ROBO2: variants seen among roughly 807,000 people sequenced by gnomAD.
ROBO2 encodes roundabout homolog 2.
A neutral mutation model predicts 160.8 loss-of-function variants in ROBO2; 53 were observed. The observed-to-expected ratio is 0.33, with a 90% CI of 0.26 to 0.41. The LOEUF is 0.41. Ranked by LOEUF, ROBO2 falls within the 10% of genes least tolerant of loss-of-function variation. The pLI is 1.00. For missense variants in ROBO2, 1,577 were observed against 1,722.4 expected (o/e 0.92, Z 1.49); for synonymous variants, 664 against 611.7 (o/e 1.09, Z -1.26).
intron 2 of ROBO2, among the ~76,000 whole-genome samples, chr3:76,507,032 T>C (rs2080835192): frequency 1.3e-5 from 2 of 152,190 alleles, no homozygotes; most frequent in South Asian, 4.1e-4. Context: ...TTAGTATCAA[T>C]TGTAACAATT....
At chr3:76,920,728 C>G (rs924519644) in intron 2 of ROBO2, among the ~76,000 whole-genome samples, 17 of 152,308 alleles carry the variant, frequency 1.1e-4, no homozygotes, top group Middle Eastern at 3.4e-3. Context: ...TGCATATGTT[C>G]AACATCAGTG....
At chr3:77,580,398 C>T (rs1346161120) in intron 16 of ROBO2, among the ~76,000 whole-genome samples, 2 of 152,072 alleles carry the variant, frequency 1.3e-5, no homozygotes, top group East Asian at 1.9e-4. Flanking sequence ...GCCTCATTAG[C>T]AATTTTGGTG....
rs371571177 is a variant in ROBO2 at position 77,159,566 on chromosome 3, G to A, written c.388+61226G>A. Among the ~76,000 whole-genome samples, 6 of 152,210 alleles carry A rather than the reference G, an allele frequency of 3.9e-5. 1 individual carries two copies. Among genetic ancestry groups the A allele is most frequent in the Admixed American group, 1.3e-4 (2 of 15,282 alleles). ...TTCTTTAGTCATCAGTGGCACTTGT[G>A]AAAGTAGTGATTTGTTTAATGTTGT... On this transcript the variant is annotated intron_variant, in intron 2 of 25. Coordinates refer to ENST00000461745, the Ensembl canonical transcript of ROBO2.
At chr3:77,108,537 A>T (rs541943133) in intron 2 of ROBO2, among the ~76,000 whole-genome samples, 14 of 152,250 alleles carry the variant, frequency 9.2e-5, no homozygotes, top group African/African-American at 3.1e-4. Context: ...AATCGTTAAG[A>T]GTAAAACGGG....
At chr3:77,088,602 C>A (rs1343092166) in intron 1 of ROBO2, among the ~76,000 whole-genome samples, 1 of 152,072 alleles carries the variant, frequency 6.6e-6, no homozygotes, top group Non-Finnish European at 1.5e-5. Context: ...TTTTAAGATA[C>A]CTATCCAATA....
intron 2 of ROBO2, among the ~76,000 whole-genome samples, chr3:76,924,748 T>C (rs1018170742): frequency 6.6e-6 from 1 of 152,204 alleles, no homozygotes; most frequent in Non-Finnish European, 1.5e-5. Context: ...ATGCCATAAA[T>C]TGGAATTCCA....
intron 2 of ROBO2, among the ~76,000 whole-genome samples, chr3:76,043,182 A>T (rs989381136): frequency 6.6e-6 from 1 of 151,720 alleles, no homozygotes; most frequent in Non-Finnish European, 1.5e-5. Context: ...CTAACAGATC[A>T]TAGTGCCATG....
At chr3:76,048,961 AG>A (rs1323301106) in intron 2 of ROBO2, among the ~76,000 whole-genome samples, 1 of 152,198 alleles carries the variant, frequency 6.6e-6, no homozygotes, top group Non-Finnish European at 1.5e-5. Flanking sequence ...TACTTGAATA[AG>A]GTTCAAAGCA....
chr3:76,265,770 AG>A (rs1214760021), intron 2 of ROBO2, among the ~76,000 whole-genome samples: 1 of 152,194 alleles, frequency 6.6e-6, no homozygotes, highest in Non-Finnish European at 1.5e-5. Context: ...CAGTGCCAAA[AG>A]AAATGCTATT....
intron 2 of ROBO2, among the ~76,000 whole-genome samples, chr3:76,382,619 G>T (rs2076692416): frequency 6.6e-6 from 1 of 152,096 alleles, no homozygotes; most frequent in Non-Finnish European, 1.5e-5. Flanking sequence ...TCTTCAGGAG[G>T]CCTAACCTAA....
intron 2 of ROBO2, among the ~76,000 whole-genome samples, chr3:76,576,728 A>G (rs1379154973): frequency 9.1e-6 from 1 of 110,006 alleles, no homozygotes; most frequent in Non-Finnish European, 1.8e-5. Flanking sequence ...TTTTTGACAG[A>G]GATTGCACCA....
chr3:75,985,433 G>C (rs2107475026), intron 2 of ROBO2, among the ~76,000 whole-genome samples: 1 of 151,722 alleles, frequency 6.6e-6, no homozygotes, highest in South Asian at 2.1e-4. Context: ...GTAAGACAGT[G>C]TTAAATATTT....
intron 2 of ROBO2, among the ~76,000 whole-genome samples, chr3:76,618,751 G>A (rs930964416): frequency 5.9e-5 from 9 of 151,476 alleles, no homozygotes; most frequent in Non-Finnish European, 1.2e-4. Flanking sequence ...CACAATTGAC[G>A]GATCCTGATA....
At chr3:76,696,501 T>A (rs2092931674) in intron 2 of ROBO2, among the ~76,000 whole-genome samples, 1 of 152,126 alleles carries the variant, frequency 6.6e-6, no homozygotes, top group South Asian at 2.1e-4. Context: ...ATCCCGATCA[T>A]TTAATGAACC....
chr3:76,377,183 A>G (rs1279105619), intron 2 of ROBO2, among the ~76,000 whole-genome samples: 5 of 152,156 alleles, frequency 3.3e-5, no homozygotes, highest in African/African-American at 1.2e-4. Flanking sequence ...ACATGCAAAC[A>G]TATGGTGAAA....
intron 2 of ROBO2, among the ~76,000 whole-genome samples, chr3:76,116,685 A>G (rs530122616): frequency 1.5e-4 from 23 of 152,250 alleles, no homozygotes; most frequent in African/African-American, 5.5e-4. Context: ...CTGGCATTTT[A>G]TCTTAAATTT....
At chr3:76,910,610 G>T (rs187632494) in intron 2 of ROBO2, among the ~76,000 whole-genome samples, 1 of 150,686 alleles carries the variant, frequency 6.6e-6, no homozygotes, top group South Asian at 2.1e-4. Context: ...CCTGTAGTCC[G>T]AGCTACTCGG....
intron 2 of ROBO2, among the ~76,000 whole-genome samples, chr3:76,274,129 C>T (rs532276237): frequency 2.6e-5 from 4 of 152,226 alleles, no homozygotes; most frequent in East Asian, 1.9e-4. Flanking sequence ...TAAATGTTAT[C>T]GTGAGTTTTG....
At chr3:77,008,157 G>A (rs1402518136) in intron 2 of ROBO2, among the ~76,000 whole-genome samples, 3 of 151,768 alleles carry the variant, frequency 2.0e-5, no homozygotes, top group Non-Finnish European at 4.4e-5. Context: ...ATTACTCTAC[G>A]AATTGTTCCC....
Sources: gnomAD v4.1 joint callset for allele counts (sites outside exome capture counted in the v4.1 genomes callset) on GRCh38, gnomAD v4.1.1 for gene constraint, MANE v1.5 for transcripts, NCBI Gene and HGNC (gene_info 2026-07-23, HGNC 2026-07-21) for gene names.